MPZL2: variants seen among roughly 807,000 people sequenced by gnomAD.
MPZL2 encodes the protein myelin protein zero like 2.
MPZL2 carries 32 observed loss-of-function variants against 24.5 expected under a neutral mutation model. The observed-to-expected ratio is 1.31, with a 90% CI of 0.99 to 1.76. The LOEUF is 1.76. MPZL2 is among the 40% of genes most tolerant of loss of function. MPZL2 has a pLI of 0.00. For missense variants in MPZL2, 304 were observed against 274.9 expected (o/e 1.11, Z -0.75); for synonymous variants, 92 against 97.9 (o/e 0.94, Z 0.36).
intron 4 of MPZL2, chr11:118,257,621 CAA>C (rs144712258): frequency 9.5e-6 from 2 of 209,840 alleles, no homozygotes; most frequent in Non-Finnish European, 1.8e-5. Context: ...ATTTGTTATT[CAA>C]AAAAAAAATA....
At chr11:118,261,112 C>A (rs904305926) in intron 3 of MPZL2, among the ~76,000 whole-genome samples, 4 of 152,262 alleles carry the variant, frequency 2.6e-5, no homozygotes, top group South Asian at 4.1e-4. Flanking sequence ...ATTTAAGAAC[C>A]ACTGATTTTT....
At position 118,260,067 on chromosome 11, in the gene MPZL2, C is replaced by G; in HGVS notation, c.571G>C (p.Val191Leu). The G allele has an allele frequency of 1.2e-6, 2 of 1,614,004 alleles. No individual in the cohort carries two copies. The highest frequency in any genetic ancestry group is 1.7e-6 in the Non-Finnish European group (2 of 1,179,918). Residue 191 changes from valine to leucine, a missense_variant, in exon 4 of 6, where the codon GTG becomes CTG. Coordinates refer to ENST00000278937, the MANE Select transcript of MPZL2 (RefSeq NM_005797.4). ...GCCCAGCCTTACGATTTTATCTCCACCACTTTATGAGCTCTTTCGGCCCAT... is the reference window on the plus strand; with the variant it reads ...GCCCAGCCTTACGATTTTATCTCCAGCACTTTATGAGCTCTTTCGGCCCAT... ...KRWAERAHKVVEIKSKEEERL... is the reference protein window; with the variant it reads ...KRWAERAHKVLEIKSKEEERL...
chr11:118,258,978 G>A (rs1213667142), intron 4 of MPZL2, among the ~76,000 whole-genome samples: 1 of 140,498 alleles, frequency 7.1e-6, no homozygotes, highest in Non-Finnish European at 1.5e-5. Flanking sequence ...TTTTTATATA[G>A]CAACACAAGA....
At chr11:118,262,878 C>T (rs1949710821) in intron 2 of MPZL2, 53 bp downstream of exon 2, 1 of 1,579,386 alleles carries the variant, frequency 6.3e-7, no homozygotes, top group Non-Finnish European at 8.6e-7. Context: ...AATGGACTGG[C>T]TTATTATTTC....
chr11:118,259,908 G>A lies in MPZL2; in HGVS notation c.584+146C>T, dbSNP rs539752982. 6.0e-4 allele frequency: 544 copies of A among 901,126 alleles called. 4 individuals carry two copies. The African/African-American group carries it at 8.6e-3, about 14-fold the overall frequency. The allele number at this position is 901,126 out of a possible 1,614,324, so 55.8% of individuals were successfully genotyped here. The stretch of plus-strand genomic sequence containing the variant: ...TTTGTAAAGTTACTAGTTCATACCT[G>A]ATTTATCTGTCCTGCAAATGTGAAT... On this transcript the variant is annotated intron_variant, in intron 4 of 5. Transcript: ENST00000278937.
At position 118,264,167 on chromosome 11, in the gene MPZL2, C is replaced by G. The variant is rs761323503; in HGVS notation, c.-14G>C. 1 of 1,614,006 alleles carries G rather than the reference C, an allele frequency of 6.2e-7. No individual in the cohort carries two copies. The highest frequency in any genetic ancestry group is 8.5e-7 in the Non-Finnish European group (1 of 1,179,992). On this transcript the variant is annotated 5_prime_UTR_variant, in exon 1 of 6. Coordinates refer to ENST00000278937, the MANE Select transcript of MPZL2 (RefSeq NM_005797.4). ...CTTGCCATACATGAGGGAAACCCAGCCTTGGCCCCAGAGACCGGACGGGGC... is the reference window on the plus strand; with the variant it reads ...CTTGCCATACATGAGGGAAACCCAGGCTTGGCCCCAGAGACCGGACGGGGC...
chr11:118,256,451 A>C (rs574620427), intron 5 of MPZL2, among the ~76,000 whole-genome samples: 123 of 152,192 alleles, frequency 8.1e-4, no homozygotes, highest in Admixed American at 1.4e-3. Flanking sequence ...CTCAGGTGAG[A>C]CCAGCCTAGG....
chr11:118,261,385 C>T (rs1328175916), intron 3 of MPZL2, among the ~76,000 whole-genome samples: 1 of 152,196 alleles, frequency 6.6e-6, no homozygotes, highest in Non-Finnish European at 1.5e-5. Context: ...AAGTAATTAA[C>T]TTCTTTGAGC....
chr11:118,259,375 GA>G (rs1949683147), intron 4 of MPZL2: 1 of 152,208 alleles, frequency 6.6e-6, no homozygotes, highest in South Asian at 2.1e-4. Context: ...GATGAGCCTT[GA>G]AAGCATTATG....
At chr11:118,260,551 A>C (rs1463620958) in intron 3 of MPZL2, among the ~76,000 whole-genome samples, 2 of 152,186 alleles carry the variant, frequency 1.3e-5, no homozygotes, top group Admixed American at 1.3e-4. Flanking sequence ...TTTGAAAACC[A>C]CTGGGTGGGT....
Position 118,254,298 on chromosome 11 carries a change from C to A in MPZL2, c.*948G>T, listed in dbSNP as rs1565499033. On this transcript the variant is annotated 3_prime_UTR_variant, in exon 6 of 6. Transcript: ENST00000278937. ...ATATAAAACTGTACAAAATTATCAT[C>A]ATTTAGAGTTGATTTTTTTCACCAG... 6.6e-6 allele frequency: 1 copy of A among 152,166 alleles called. No homozygotes were observed. Among genetic ancestry groups the A allele is most frequent in the Non-Finnish European group, 1.5e-5 (1 of 68,032 alleles). The allele number at this position is 152,166 out of a possible 1,614,324, so 9.4% of individuals were successfully genotyped here. A position where few individuals can be genotyped will look rare whatever the true frequency, so the allele number is the denominator to read the frequency against.
At chr11:118,263,350 T>G (rs939274) in intron 1 of MPZL2, 262,247 of 435,836 alleles carry the variant, frequency 0.6, 80,246 homozygotes, top group South Asian at 0.77. Flanking sequence ...TCCACAGCAT[T>G]AAAGCCTCGC....
In MPZL2 at chr11:118,262,573, G is replaced by T. The variant is rs772190870; in HGVS notation, c.301C>A (p.Pro101Thr). The change falls in exon 3 of 6, where the codon CCT (proline) becomes ACT (threonine). Residue 101 changes from proline (P) to threonine (T), a missense_variant. Pro to Thr is a conservative substitution (Grantham distance 38). Coordinates refer to ENST00000278937, the MANE Select transcript of MPZL2 (RefSeq NM_005797.4). ...AGGATGGAGGCATCGTACCGCTCAG[G>T]ATTCCCATCCCAAGACACCCGGTCC... The part of the protein sequence containing the change: ...FKDRVSWDGN[P>T]ERYDASILLW... The T allele has an allele frequency of 9.9e-6, 16 of 1,614,046 alleles. No individual in the cohort carries two copies. Among genetic ancestry groups the T allele is most frequent in the South Asian group, 2.2e-5 (2 of 91,090 alleles).
In MPZL2 at chr11:118,260,113, G is replaced by C. The variant is rs1195393108; in HGVS notation, c.525C>G (p.Phe175Leu). The C allele has an allele frequency of 6.2e-7, 1 of 1,614,104 alleles. No individual in the cohort carries two copies. The highest frequency in any genetic ancestry group is 1.1e-5 in the South Asian group (1 of 91,074). The change falls in exon 4 of 6, where the codon TTC becomes TTG. Residue 175 changes from phenylalanine (F) to leucine (L), a missense_variant. Transcript: ENST00000278937. ...CCCATCGCTTTTTCCGGTAATGCTG[G>C]AAGAGGACCACTACAATTACTATTA... ...MIIIVIVVVL[F>L]QHYRKKRWAE... is the part of the protein sequence containing the mutation.
chr11:118,261,774 A>G (rs1319486755), intron 3 of MPZL2, among the ~76,000 whole-genome samples: 1 of 152,228 alleles, frequency 6.6e-6, no homozygotes, highest in Non-Finnish European at 1.5e-5. Flanking sequence ...GCACCAATTT[A>G]GAGCACAGTT....
chr11:118,259,411 A>G (rs1407641113), intron 4 of MPZL2: 1 of 152,234 alleles, frequency 6.6e-6, no homozygotes. Flanking sequence ...CTGGGCATAA[A>G]AGACCACATA....
chr11:118,260,917 A>G (rs1161632761), intron 3 of MPZL2, among the ~76,000 whole-genome samples: 2 of 152,176 alleles, frequency 1.3e-5, no homozygotes, highest in African/African-American at 2.4e-5. Context: ...CAGAGCCAGA[A>G]AGGACATTAG....
chr11:118,258,862 T>C (rs1194258703), intron 4 of MPZL2, among the ~76,000 whole-genome samples: 3 of 152,062 alleles, frequency 2.0e-5, no homozygotes, highest in Admixed American at 1.3e-4. Context: ...CGGTAAAAGC[T>C]CCCTGAGGCC....
At chr11:118,257,465 G>T in intron 4 of MPZL2, 152 bp from the exon 5 acceptor site, 1 of 569,410 alleles carries the variant, frequency 1.8e-6, no homozygotes, top group Non-Finnish European at 3.1e-6. Context: ...GAGCTAAACT[G>T]GTGCCATCTA....
Sources: gnomAD v4.1 joint callset for allele counts (sites outside exome capture counted in the v4.1 genomes callset) on GRCh38, gnomAD v4.1.1 for gene constraint, MANE v1.5 for transcripts, NCBI Gene and HGNC (gene_info 2026-07-23, HGNC 2026-07-21) for gene names.